GYS1: variants seen among roughly 807,000 people sequenced by gnomAD.
The protein encoded by GYS1 is glycogen synthase 1, also known as glycogen [starch] synthase, muscle.
Under a neutral mutation model 89.1 loss-of-function variants are expected in GYS1, and 60 were observed. The observed-to-expected ratio is 0.67, with a 90% confidence interval of 0.55 to 0.84. The LOEUF is 0.84. Ranked by LOEUF, GYS1 falls within the 40% of genes least tolerant of loss-of-function variation. The pLI, the probability that GYS1 is intolerant of heterozygous loss-of-function variation, is 0.00. For synonymous variants in GYS1, 366 were observed against 401.7 expected, an observed-to-expected ratio of 0.91 and a Z score of 1.06; for missense variants, 888 against 1,003.1, an observed-to-expected ratio of 0.89 and a Z score of 1.55.
At chr19:48,974,085 G>C in intron 12 of GYS1, 128 bp downstream of exon 12, 1 of 982,894 alleles carries the variant, frequency 1.0e-6, no homozygotes. Flanking sequence ...TAGCAGAACA[G>C]GTGATTACCA....
intron 5 of GYS1, among the ~76,000 whole-genome samples, 180 bp downstream of exon 5, chr19:48,985,281 C>A (rs1348641526): frequency 6.6e-6 from 1 of 152,210 alleles, no homozygotes; most frequent in South Asian, 2.1e-4. Context: ...AAGTGGTTCT[C>A]CTGCCTTGGC....
At chr19:48,974,559 GC>G in intron 11 of GYS1, 60 bp downstream of exon 11, 1 of 1,175,450 alleles carries the variant, frequency 8.5e-7, no homozygotes, top group African/African-American at 1.5e-5. Context: ...AGTGTGTGAG[GC>G]CCAGGACCCA....
chr19:48,982,297 G>A lies in GYS1; in HGVS notation c.1020C>T (p.Asp340=), dbSNP rs13306415. The A allele has an allele frequency of 1.5e-4, 244 of 1,613,684 alleles. 2 individuals carry two copies. The East Asian group carries it at 4.8e-3, about 32-fold the overall frequency. The part of the protein sequence containing the change: ...GRYEFSNKGA[D]VFLEALARLN... ...GCCGAGCCAATGCCTCCAGGAAGAC[G>A]TCAGCACCCTTGTTGGAGAACTCAT... Residue 340 remains aspartate, a synonymous_variant, in exon 7 of 16, where the codon GAC becomes GAT. Transcript: ENST00000323798.
At chr19:48,981,339 G>A (rs1184547267) in intron 8 of GYS1, 191 bp downstream of exon 8, 3 of 592,942 alleles carry the variant, frequency 5.1e-6, no homozygotes, top group East Asian at 3.0e-5. Flanking sequence ...CTTGAACCCA[G>A]GAGGTGGAGG....
intron 2 of GYS1, among the ~76,000 whole-genome samples, chr19:48,988,429 G>T (rs1440698310): frequency 6.6e-6 from 1 of 151,746 alleles, no homozygotes; most frequent in African/African-American, 2.4e-5. Flanking sequence ...AACCTCCCTG[G>T]CTCAGTCAAT....
rs773104883 is a variant in GYS1 at position 48,977,982 on chromosome 19, T to C, written c.1250A>G (p.Asn417Ser). 7 of 1,613,968 alleles carry C rather than the reference T, an allele frequency of 4.3e-6. No homozygotes were observed. The highest frequency in any genetic ancestry group is 1.1e-5 in the South Asian group (1 of 91,084). The stretch of plus-strand genomic sequence containing the variant: ...GAAGTCTTCCTTATCCAGCATCTTG[T>C]TCATGTCGGGAAGGCTCCCACTGCA... ...SLLVGSLPDM[N>S]KMLDKEDFTM... The change falls in exon 10 of 16, where the codon AAC (asparagine) becomes AGC (serine). Residue 417 changes from asparagine to serine, a missense_variant. Transcript: ENST00000323798.
intron 8 of GYS1, among the ~76,000 whole-genome samples, chr19:48,978,691 C>T (rs940252232): frequency 1.3e-5 from 2 of 151,880 alleles, no homozygotes; most frequent in Non-Finnish European, 2.9e-5. Context: ...GCCACCATGC[C>T]CGGCTAATTT....
intron 5 of GYS1, among the ~76,000 whole-genome samples, chr19:48,984,778 G>A (rs530722878): frequency 5.3e-5 from 8 of 152,010 alleles, no homozygotes; most frequent in Non-Finnish European, 1.0e-4. Context: ...CTACTTGGGA[G>A]GCTGAGGCAG....
chr19:48,974,331 GA>G lies in GYS1; in HGVS notation c.1430del (p.Phe477SerfsTer125), dbSNP rs1248159799. ...TTGTGGAGGAGAGGAACTCCGGGTG[GA>G]AAATCACCTGGTAGTGAAAAAGAAG... Reference protein sequence around the residue: ...NSSADRVKVIFHPEFLSSTSP... With the variant: ...NSSADRVKVIXHPEFLSSTSP... On this transcript the variant is annotated frameshift_variant, in exon 12 of 16. Transcript: ENST00000323798. LOFTEE classifies it high-confidence loss of function. 1 of 1,613,816 alleles carries G rather than the reference GA, an allele frequency of 6.2e-7. No individual in the cohort carries two copies. The highest frequency in any genetic ancestry group is 1.3e-5 in the African/African-American group (1 of 74,916).
chr19:48,985,456 C>T lies in GYS1; in HGVS notation c.823+5G>A. On this transcript the variant is annotated splice_donor_5th_base_variant and intron_variant, in intron 5 of 15. Coordinates refer to ENST00000323798, the MANE Select transcript of GYS1 (RefSeq NM_002103.5). ...CACGTCTGGGGACTTCAGCCCAGCC[C>T]CTACCTGGTTTCCTCTTGAGCAAGT... 1 of 1,613,372 alleles carries T rather than the reference C, an allele frequency of 6.2e-7. No homozygotes were observed. The highest frequency in any genetic ancestry group is 8.5e-7 in the Non-Finnish European group (1 of 1,180,002).
At chr19:48,980,970 C>T (rs374293230) in intron 8 of GYS1, among the ~76,000 whole-genome samples, 3 of 151,884 alleles carry the variant, frequency 2.0e-5, no homozygotes, top group South Asian at 4.2e-4. Flanking sequence ...AAAAGTTAGC[C>T]AGGTGTGGTG....
At chr19:48,978,815 A>G (rs866523028) in intron 8 of GYS1, among the ~76,000 whole-genome samples, 6 of 152,142 alleles carry the variant, frequency 3.9e-5, no homozygotes, top group Non-Finnish European at 8.8e-5. Context: ...AATTACAGGC[A>G]TGAGCTGCCG....
At chr19:48,983,058 C>T (rs1568622843) in intron 5 of GYS1, among the ~76,000 whole-genome samples, 1 of 152,172 alleles carries the variant, frequency 6.6e-6, no homozygotes, top group Non-Finnish European at 1.5e-5. Context: ...ACAATCACAG[C>T]TCATTGCATC....
intron 8 of GYS1, 37 bp from the exon 9 acceptor site, chr19:48,978,194 A>G (rs762055608): frequency 3.3e-5 from 50 of 1,537,416 alleles, no homozygotes; most frequent in Non-Finnish European, 4.5e-5. Context: ...CATACACACC[A>G]GCTGCCATTT....
chr19:48,975,911 C>CAAAAAAAAA (rs760164673), intron 10 of GYS1, among the ~76,000 whole-genome samples: 1 of 41,352 alleles, frequency 2.4e-5, no homozygotes, highest in Non-Finnish European at 5.0e-5. Flanking sequence ...GACTCCGTCT[C>CAAAAAAAAA]AAAAAAAAAA....
intron 2 of GYS1, among the ~76,000 whole-genome samples, chr19:48,987,852 G>A (rs1394532529): frequency 6.6e-6 from 1 of 151,774 alleles, no homozygotes; most frequent in Non-Finnish European, 1.5e-5. Context: ...CCAGGCTGGA[G>A]TGCCGTGGCA....
chr19:48,974,344 T>C lies in GYS1; in HGVS notation c.1423-5A>G. On this transcript the variant is annotated splice_polypyrimidine_tract_variant and splice_region_variant and intron_variant, in intron 11 of 15. Coordinates refer to ENST00000323798, the MANE Select transcript of GYS1 (RefSeq NM_002103.5). ...GAACTCCGGGTGGAAAATCACCTGG[T>C]AGTGAAAAAGAAGGACTCAGCCCAA... 2 of 1,613,742 alleles carry C rather than the reference T, an allele frequency of 1.2e-6. No homozygotes were observed. The highest frequency in any genetic ancestry group is 1.7e-6 in the Non-Finnish European group (2 of 1,179,862).
intron 3 of GYS1, 108 bp from the exon 4 acceptor site, chr19:48,986,143 T>A (rs1329825617): frequency 1.0e-6 from 1 of 960,886 alleles, no homozygotes; most frequent in Non-Finnish European, 1.6e-6. Context: ...TCACCACTAC[T>A]GCACAGAGTG....
At chr19:48,978,308 C>G in intron 8 of GYS1, 151 bp from the exon 9 acceptor site, 1 of 703,682 alleles carries the variant, frequency 1.4e-6, no homozygotes, top group Non-Finnish European at 2.6e-6. Context: ...TCACTGCAAC[C>G]TCTGCCTCCC....
Sources: gnomAD v4.1 joint callset for allele counts (sites outside exome capture counted in the v4.1 genomes callset) on GRCh38, gnomAD v4.1.1 for gene constraint, MANE v1.5 for transcripts, NCBI Gene and HGNC (gene_info 2026-07-23, HGNC 2026-07-21) for gene names.